Variants in ZNF536 observed in about 807,000 individuals in gnomAD.
ZNF536 encodes the protein zinc finger protein 536.
A neutral mutation model predicts 84.5 loss-of-function variants in ZNF536; 13 were observed. That is an observed-to-expected ratio of 0.15 (90% CI 0.10 to 0.24). The LOEUF is 0.24. Among genes scored for constraint, ZNF536 ranks in the 10% least tolerant of loss-of-function variants. ZNF536 has a pLI of 1.00. For synonymous variants in ZNF536, 811 were observed against 742.5 expected (o/e 1.09, Z -1.50); for missense variants, 1,536 against 1,747.5 (o/e 0.88, Z 2.16).
intron 1 of ZNF536, among the ~76,000 whole-genome samples, chr19:30,606,207 TAA>T (rs555924840): frequency 0.15 from 14,550 of 96,304 alleles, 1,163 homozygotes; most frequent in East Asian, 0.31. Flanking sequence ...TAAAATAAAA[TAA>T]AATAAAATAT....
At chr19:30,545,228 C>A (rs532238634) in intron 3 of ZNF536, among the ~76,000 whole-genome samples, 1 of 152,152 alleles carries the variant, frequency 6.6e-6, no homozygotes, top group Non-Finnish European at 1.5e-5. Flanking sequence ...ATGTCTGCAC[C>A]AGAATCATAG....
At chr19:30,666,073 T>C (rs1036527068) in intron 1 of ZNF536, among the ~76,000 whole-genome samples, 3 of 152,180 alleles carry the variant, frequency 2.0e-5, no homozygotes, top group Non-Finnish European at 4.4e-5. Flanking sequence ...CCCATGAAGA[T>C]GGGACTACAC....
In ZNF536 at chr19:30,691,249, C is replaced by T. The variant is rs913986505; in HGVS notation, c.170-19508C>T. Among the ~76,000 whole-genome samples the T allele has an allele frequency of 2.6e-5, 4 of 152,100 alleles. 1 individual carries two copies. The highest frequency in any genetic ancestry group is 5.9e-5 in the Non-Finnish European group (4 of 68,024). On this transcript the variant is annotated intron_variant, in intron 1 of 1. Coordinates refer to the ZNF536 transcript ENST00000592773. ...CTGCTCAGGAGACCACCTCCGCTGG[C>T]CCACCCCCCACATGCACATGAAAAA...
rs923928856 is a variant in ZNF536 at position 30,443,644 on chromosome 19, G to T, written c.82G>T (p.Gly28Cys). ...CCACCTGAGTGGCCCCGTCCTCAAC[G>T]GCCAGTATGCCATGAGTCAGAAGCT... is the stretch of plus-strand genomic sequence containing the variant. ...EPHLSGPVLN[G>C]QYAMSQKLHQ... Residue 28 changes from glycine (G) to cysteine (C), a missense_variant, in exon 2 of 5, where the codon GGC becomes TGC. Gly to Cys is a radical substitution (Grantham distance 159, BLOSUM62 -3). Transcript: ENST00000355537. The T allele has an allele frequency of 6.2e-7, 1 of 1,612,946 alleles. No individual in the cohort carries two copies. The highest frequency in any genetic ancestry group is 1.7e-5 in the Admixed American group (1 of 59,870).
At chr19:30,226,850 T>C (rs1451417150), upstream of ZNF536, among the ~76,000 whole-genome samples, 1 of 151,370 alleles carries the variant, frequency 6.6e-6, no homozygotes, top group Non-Finnish European at 1.5e-5. The surrounding 1 kb of genome is among the most constrained non-coding windows in gnomAD (Gnocchi z 4.6). Context: ...ACGCCTCCCG[T>C]CCCCCCAGCG....
chr19:30,649,549 C>CTTTTTTTTTTTTTTTT (rs35137042), intron 1 of ZNF536, among the ~76,000 whole-genome samples: 1 of 123,882 alleles, frequency 8.1e-6, no homozygotes. Flanking sequence ...CAGCATTTTC[C>CTTTTTTTTTTTTTTTT]TTTTTTTTTT....
rs568157105 is a variant in ZNF536 at position 30,652,616 on chromosome 19, C to T, written c.170-58141C>T. On this transcript the variant is annotated intron_variant, in intron 1 of 1. Coordinates refer to the ZNF536 transcript ENST00000592773. The stretch of plus-strand genomic sequence containing the variant: ...TGCTTTTCTAAGGAGTGAATGAGCC[C>T]CGTCATTCTGTAGGACTCACCAGGA... 1.7e-4 allele frequency among the ~76,000 whole-genome samples: 26 copies of T among 152,276 alleles called. No individual in the cohort carries two copies. The South Asian group carries it at 5.2e-3, about 30-fold the overall frequency.
intron 2 of ZNF536, among the ~76,000 whole-genome samples, chr19:30,312,162 T>A (rs1370939342): frequency 6.6e-6 from 1 of 152,202 alleles, no homozygotes; most frequent in Non-Finnish European, 1.5e-5. Flanking sequence ...GGGTACAGTT[T>A]GCACTTGCCA....
At chr19:30,334,849 A>G (rs1208518267) in intron 2 of ZNF536, among the ~76,000 whole-genome samples, 1 of 152,226 alleles carries the variant, frequency 6.6e-6, no homozygotes, top group African/African-American at 2.4e-5. Flanking sequence ...GTCAAGCATT[A>G]GATTCTCATA....
intron 2 of ZNF536, among the ~76,000 whole-genome samples, chr19:30,315,459 C>G (rs924298807): frequency 1.3e-5 from 2 of 152,106 alleles, no homozygotes; most frequent in Non-Finnish European, 1.5e-5. Flanking sequence ...TGAGCCACCC[C>G]CCTCTGGGCC....
At position 30,465,952 on chromosome 19, in the gene ZNF536, G is replaced by A. The variant is rs144360929; in HGVS notation, c.2170+20220G>A. ...TTTTTATTAGAGATGGGGTTTCACC[G>A]CATTAGCCAGGATGGTCTCGATCTC... is the stretch of plus-strand genomic sequence containing the variant. On this transcript the variant is annotated intron_variant, in intron 2 of 4. Coordinates refer to ENST00000355537, the MANE Select transcript of ZNF536 (RefSeq NM_014717.3). Among the ~76,000 whole-genome samples the A allele has an allele frequency of 2.2e-3, 332 of 152,014 alleles. 1 individual carries two copies. Among genetic ancestry groups the A allele is most frequent in the African/African-American group, 6.3e-3 (262 of 41,458 alleles).
chr19:30,557,302 ATAGG>A lies in ZNF536; in HGVS notation c.*141_*144del. On this transcript the variant is annotated 3_prime_UTR_variant, in exon 5 of 5. Transcript: ENST00000355537. The stretch of plus-strand genomic sequence containing the variant: ...TGTGTGTTGAATAATTACTATTGGC[ATAGG>A]TATGTGTATACACACGGTGCACCAA... The A allele has an allele frequency of 1.0e-6, 1 of 1,000,814 alleles. No individual in the cohort carries two copies. Among genetic ancestry groups the A allele is most frequent in the Non-Finnish European group, 1.6e-6 (1 of 641,390 alleles). The allele number at this position is 1,000,814 out of a possible 1,614,324, so 62.0% of individuals were successfully genotyped here. A position where few individuals can be genotyped will look rare whatever the true frequency, so the allele number is the denominator to read the frequency against.
intron 1 of ZNF536, among the ~76,000 whole-genome samples, chr19:30,263,883 C>T (rs1029004453): frequency 1.3e-4 from 6 of 47,770 alleles, no homozygotes; most frequent in East Asian, 3.3e-3. Context: ...CACACACATA[C>T]ACACACACAC....
intron 1 of ZNF536, among the ~76,000 whole-genome samples, chr19:30,239,001 G>A (rs2023746767): frequency 1.3e-5 from 2 of 152,186 alleles, no homozygotes; most frequent in Non-Finnish European, 2.9e-5. Flanking sequence ...ACCCAAGAGA[G>A]AGGTGGGGAG....
intron 3 of ZNF536, among the ~76,000 whole-genome samples, chr19:30,360,306 CTGTG>C (rs1441322416): frequency 6.6e-6 from 1 of 152,212 alleles, no homozygotes; most frequent in African/African-American, 2.4e-5. Flanking sequence ...CATGGAGTTT[CTGTG>C]TGTGTAATAT....
intron 1 of ZNF536, among the ~76,000 whole-genome samples, chr19:30,630,883 T>A (rs1343403737): frequency 6.6e-6 from 1 of 152,184 alleles, no homozygotes; most frequent in Non-Finnish European, 1.5e-5. Context: ...ACCTTCTGGA[T>A]CAGATAACAG....
chr19:30,421,848 C>T (rs1349916721), intron 1 of ZNF536, among the ~76,000 whole-genome samples: 1 of 152,210 alleles, frequency 6.6e-6, no homozygotes, highest in Non-Finnish European at 1.5e-5. Flanking sequence ...CAGGCCAGGG[C>T]CGGCTGCAGG....
intron 1 of ZNF536, among the ~76,000 whole-genome samples, chr19:30,386,871 A>T (rs551730844): frequency 6.6e-6 from 1 of 152,340 alleles, no homozygotes; most frequent in African/African-American, 2.4e-5. Flanking sequence ...CTTCTATTAC[A>T]GCGGAAACAG....
chr19:30,510,626 C>G (rs975840851), intron 2 of ZNF536, among the ~76,000 whole-genome samples: 10 of 152,240 alleles, frequency 6.6e-5, no homozygotes, highest in African/African-American at 2.4e-4. Flanking sequence ...CAGTGCTCCT[C>G]GATGTAGAGT....
Sources: allele counts gnomAD v4.1 joint callset (sites outside exome capture counted in the v4.1 genomes callset), GRCh38; gene constraint gnomAD v4.1.1; non-coding constraint Gnocchi (gnomAD v3.1); transcripts MANE v1.5; gene names NCBI Gene and HGNC (gene_info 2026-07-23, HGNC 2026-07-21).